Variants in ZFAND6 observed in about 807,000 individuals in gnomAD.
ZFAND6 encodes the protein AN1-type zinc finger protein 6.
In ZFAND6, 12 loss-of-function variants were observed where a neutral mutation model predicts 24.5. The observed-to-expected ratio is 0.49, with a 90% CI of 0.31 to 0.79. The LOEUF (loss-of-function observed/expected upper bound fraction) is 0.79. Ranked by LOEUF, ZFAND6 falls within the 30% of genes least tolerant of loss-of-function variation. ZFAND6 has a pLI of 0.04. For missense variants in ZFAND6, 207 were observed against 245.9 expected, an observed-to-expected ratio of 0.84 and a Z score of 1.06; for synonymous variants, 92 against 81.5, an observed-to-expected ratio of 1.13 and a Z score of -0.69.
intron 1 of ZFAND6, among the ~76,000 whole-genome samples, chr15:80,096,441 T>C (rs569747370): frequency 1.3e-5 from 2 of 152,328 alleles, no homozygotes; most frequent in African/African-American, 4.8e-5. Context: ...TAGAATACCT[T>C]TCATATAACT....
chr15:80,131,391 TGA>T, intron 6 of ZFAND6, 98 bp downstream of exon 6: 2 of 1,010,254 alleles, frequency 2.0e-6, no homozygotes, highest in Non-Finnish European at 2.9e-6. Flanking sequence ...CCTGTTCCCT[TGA>T]GAGTTAATAT....
At chr15:80,064,607 T>TACACAC (rs9302291) in intron 1 of ZFAND6, among the ~76,000 whole-genome samples, 47 of 150,710 alleles carry the variant, frequency 3.1e-4, no homozygotes, top group African/African-American at 1.1e-3. Context: ...CATGTATACA[T>TACACAC]ACACACACAC....
intron 1 of ZFAND6, among the ~76,000 whole-genome samples, chr15:80,091,279 T>C (rs1403219974): frequency 6.6e-6 from 1 of 152,004 alleles, no homozygotes; most frequent in Non-Finnish European, 1.5e-5. Context: ...TACGTGAAAA[T>C]CTAGAGGTGT....
intron 2 of ZFAND6, among the ~76,000 whole-genome samples, chr15:80,117,862 A>G (rs995716404): frequency 1.3e-5 from 2 of 152,022 alleles, no homozygotes; most frequent in Non-Finnish European, 2.9e-5. Context: ...CACAATTGCT[A>G]TAGCAGCATT....
intron 1 of ZFAND6, among the ~76,000 whole-genome samples, chr15:80,078,627 A>C (rs761400604): frequency 3.3e-5 from 5 of 152,174 alleles, no homozygotes; most frequent in Admixed American, 3.3e-4. Flanking sequence ...TTCTTTGGGA[A>C]ATCTCCAAAT....
chr15:80,078,821 G>C (rs2141845518), intron 1 of ZFAND6, among the ~76,000 whole-genome samples: 1 of 151,466 alleles, frequency 6.6e-6, no homozygotes, highest in Non-Finnish European at 1.5e-5. Context: ...TGGTAATGTT[G>C]AGCATTTTTT....
At chr15:80,081,411 G>A (rs2037660871) in intron 1 of ZFAND6, among the ~76,000 whole-genome samples, 1 of 152,138 alleles carries the variant, frequency 6.6e-6, no homozygotes, top group South Asian at 2.1e-4. Context: ...CAAATTTAAT[G>A]GAATTTAATT....
intron 6 of ZFAND6, among the ~76,000 whole-genome samples, chr15:80,133,426 C>G (rs1011766002): frequency 6.6e-6 from 1 of 152,058 alleles, no homozygotes; most frequent in Non-Finnish European, 1.5e-5. Context: ...AACTCCTGAC[C>G]TCAGGTGATC....
chr15:80,112,999 G>A (rs762819005), intron 2 of ZFAND6: 7 of 386,632 alleles, frequency 1.8e-5, no homozygotes, highest in Non-Finnish European at 3.1e-5. Flanking sequence ...TTGAAAAAAG[G>A]CGGAGTGTGA....
At chr15:80,112,266 AC>A (rs1340705882) in intron 2 of ZFAND6, among the ~76,000 whole-genome samples, 1 of 152,134 alleles carries the variant, frequency 6.6e-6, no homozygotes, top group Non-Finnish European at 1.5e-5. Flanking sequence ...ATCTCAAAAA[AC>A]TGCTATGCAG....
intron 2 of ZFAND6, among the ~76,000 whole-genome samples, chr15:80,102,933 A>G (rs1268444363): frequency 6.6e-6 from 1 of 152,216 alleles, no homozygotes; most frequent in East Asian, 1.9e-4. Context: ...TCTTTGGAAA[A>G]TCATATGTAA....
At position 80,137,480 on chromosome 15, in the gene ZFAND6, G is replaced by A. The variant is rs1288064512; in HGVS notation, c.479G>A (p.Gly160Glu). Residue 160 changes from glycine to glutamate, a missense_variant and splice_region_variant, in exon 7 of 7, where the codon GGG becomes GAG. Gly to Glu is a moderately conservative substitution (Grantham distance 98). Transcript: ENST00000261749. Reference sequence around the variant, plus strand: ...TGTATGTGTATTACTCCATTTCCAGGGTTTGAATGCCGGTGTGGAAATGTT... The same window carrying A: ...TGTATGTGTATTACTCCATTTCCAGAGTTTGAATGCCGGTGTGGAAATGTT... ...FMCRKKVGLT[G>E]FECRCGNVYC... 1.9e-6 allele frequency: 3 copies of A among 1,599,922 alleles called. No homozygotes were observed. Among genetic ancestry groups the A allele is most frequent in the South Asian group, 1.1e-5 (1 of 87,414 alleles).
chr15:80,063,516 C>T (rs1219061251), intron 1 of ZFAND6, among the ~76,000 whole-genome samples: 3 of 151,552 alleles, frequency 2.0e-5, no homozygotes, highest in Non-Finnish European at 4.4e-5. Flanking sequence ...CTCAGCCTCC[C>T]GAGTAGCTGA....
intron 1 of ZFAND6, among the ~76,000 whole-genome samples, chr15:80,080,943 C>T (rs1216263271): frequency 1.3e-5 from 2 of 152,150 alleles, no homozygotes; most frequent in Non-Finnish European, 2.9e-5. Flanking sequence ...CCTCCATCCC[C>T]ATCATCCAGT....
chr15:80,134,133 G>A (rs1258202557), intron 6 of ZFAND6, among the ~76,000 whole-genome samples: 4 of 151,948 alleles, frequency 2.6e-5, no homozygotes, highest in South Asian at 2.1e-4. Context: ...GATTACAGGC[G>A]TACTCCACCA....
At chr15:80,112,123 G>A (rs2039639279) in intron 2 of ZFAND6, among the ~76,000 whole-genome samples, 2 of 152,108 alleles carry the variant, frequency 1.3e-5, no homozygotes, top group Non-Finnish European at 2.9e-5. Context: ...AGCTGGGCAT[G>A]GTGGCACATG....
At chr15:80,101,521 G>T (rs557752489) in intron 2 of ZFAND6, among the ~76,000 whole-genome samples, 1 of 152,092 alleles carries the variant, frequency 6.6e-6, no homozygotes, top group Non-Finnish European at 1.5e-5. Context: ...TCTGCTGTGT[G>T]CATTAGCCCC....
intron 1 of ZFAND6, among the ~76,000 whole-genome samples, chr15:80,091,656 A>G (rs1238030494): frequency 6.6e-6 from 1 of 152,008 alleles, no homozygotes; most frequent in Non-Finnish European, 1.5e-5. Context: ...ACTTTTTTTA[A>G]GAGACAGGAT....
chr15:80,113,619 A>G (rs937900143), intron 2 of ZFAND6, among the ~76,000 whole-genome samples: 3 of 152,200 alleles, frequency 2.0e-5, no homozygotes, highest in Non-Finnish European at 4.4e-5. Context: ...GAAACATTCT[A>G]CATCAGTTTT....
Sources: gnomAD v4.1 joint callset for allele counts (sites outside exome capture counted in the v4.1 genomes callset) on GRCh38, gnomAD v4.1.1 for gene constraint, MANE v1.5 for transcripts, NCBI Gene and HGNC (gene_info 2026-07-23, HGNC 2026-07-21) for gene names.